Variants in SP110 observed in about 807,000 individuals in gnomAD.
The protein encoded by SP110 is SP110 nuclear body protein, also known as interferon-induced protein 41, 30kD.
A neutral mutation model predicts 92.7 loss-of-function variants in SP110; 62 were observed. The observed-to-expected ratio is 0.67, with a 90% CI of 0.55 to 0.83. The LOEUF (loss-of-function observed/expected upper bound fraction) is 0.83. SP110 is among the 40% of genes least tolerant of loss of function. The probability of loss-of-function intolerance (pLI) is 0.00; values close to 1 mark genes in which losing one functional copy is unlikely to be tolerated. For synonymous variants in SP110, 273 were observed against 305.3 expected (o/e 0.89, Z 1.10); for missense variants, 793 against 863.9 (o/e 0.92, Z 1.03).
At position 230,168,530 on chromosome 2, in the gene SP110, AAAAAT is replaced by A; in HGVS notation, c.*589_*593del. 1 of 152,506 alleles carries A rather than the reference AAAAAT, an allele frequency of 6.6e-6. No homozygotes were observed. The highest frequency in any genetic ancestry group is 1.9e-4 in the East Asian group (1 of 5,210). The allele number at this position is 152,506 out of a possible 1,614,324, so 9.4% of individuals were successfully genotyped here. ...TGCACCTGCTGCCAACCTTAACATA[AAAAAT>A]AATACTAAATTCCCCTGTGAAGCCT... is the stretch of plus-strand genomic sequence containing the variant. On this transcript the variant is annotated 3_prime_UTR_variant, in exon 19 of 19. Coordinates refer to ENST00000258381, the MANE Select transcript of SP110 (RefSeq NM_080424.4).
chr2:230,179,825 G>A (rs1453472645), intron 12 of SP110, among the ~76,000 whole-genome samples: 5 of 151,940 alleles, frequency 3.3e-5, no homozygotes, highest in African/African-American at 9.7e-5. Context: ...TGGGGGCCAC[G>A]GGTAGCAAGC....
chr2:230,185,908 T>A, intron 11 of SP110, 86 bp downstream of exon 11: 1 of 1,165,492 alleles, frequency 8.6e-7, no homozygotes, highest in Non-Finnish European at 1.3e-6. Context: ...TACTATTGAC[T>A]TTACATATCT....
chr2:230,200,078 A>C (rs1032565988), intron 10 of SP110, among the ~76,000 whole-genome samples: 4 of 152,242 alleles, frequency 2.6e-5, no homozygotes, highest in Non-Finnish European at 5.9e-5. Flanking sequence ...AAAAGTTGAA[A>C]TACTACTAGA....
intron 14 of SP110, among the ~76,000 whole-genome samples, chr2:230,177,120 G>A (rs943354155): frequency 6.6e-6 from 1 of 152,210 alleles, no homozygotes; most frequent in African/African-American, 2.4e-5. Flanking sequence ...GACAGGAATA[G>A]TGTGCTGTGG....
At position 230,168,936 on chromosome 2, in the gene SP110, TAGATATAGAC is replaced by T; in HGVS notation, c.*178_*187del. ...GTATTAATTTTTTTTTTTTTTAGTG[TAGATATAGAC>T]TTTTAAAGGTAAAAAGAAAGAATAA... On this transcript the variant is annotated 3_prime_UTR_variant, in exon 19 of 19. Coordinates refer to ENST00000258381, the MANE Select transcript of SP110 (RefSeq NM_080424.4). The T allele has an allele frequency of 7.2e-6, 4 of 551,864 alleles. No homozygotes were observed. Among genetic ancestry groups the T allele is most frequent in the Non-Finnish European group, 1.3e-5 (4 of 308,086 alleles). The allele number at this position is 551,864 out of a possible 1,614,324, so 34.2% of individuals were successfully genotyped here.
In SP110 at chr2:230,211,631, A is replaced by G; in HGVS notation, c.668-78T>C. 1 of 899,734 alleles carries G rather than the reference A, an allele frequency of 1.1e-6. No homozygotes were observed. The highest frequency in any genetic ancestry group is 1.7e-5 in the Admixed American group (1 of 57,744). The allele number at this position is 899,734 out of a possible 1,614,324, so 55.7% of individuals were successfully genotyped here. A position where few individuals can be genotyped will look rare whatever the true frequency, so the allele number is the denominator to read the frequency against. Reference sequence around the variant, plus strand: ...GAATGAGGAGAAAAGAGAATGCTCTATTCCAACAAGTAAAAATGACGGGGT... The same window carrying G: ...GAATGAGGAGAAAAGAGAATGCTCTGTTCCAACAAGTAAAAATGACGGGGT... On this transcript the variant is annotated intron_variant, in intron 5 of 18. Transcript: ENST00000258381. The surrounding 1 kb of genome is among the most constrained non-coding windows in gnomAD (Gnocchi z 4.2).
chr2:230,182,974 G>A (rs550105847), intron 12 of SP110, among the ~76,000 whole-genome samples: 4 of 152,290 alleles, frequency 2.6e-5, no homozygotes, highest in Non-Finnish European at 4.4e-5. Context: ...CCAGTCTGGG[G>A]ACCCCACCTT....
chr2:230,216,903 C>T lies in SP110; in HGVS notation c.25G>A (p.Glu9Lys). Residue 9 changes from glutamate (E) to lysine (K), a missense_variant, in exon 2 of 19, where the codon GAA (glutamate) becomes AAA (lysine). Physicochemically the swap from Glu to Lys is moderately conservative, Grantham distance 56. Coordinates refer to ENST00000258381, the MANE Select transcript of SP110 (RefSeq NM_080424.4). MFTMTRAM[E>K]EALFQHFMHQ... is the part of the protein sequence containing the mutation. ...ATGAAGTGCTGAAAAAGAGCCTCTT[C>T]CATGGCTCTTGTCATGGTGAACATC... 1 of 1,613,870 alleles carries T rather than the reference C, an allele frequency of 6.2e-7. No individual in the cohort carries two copies. Among genetic ancestry groups the T allele is most frequent in the Non-Finnish European group, 8.5e-7 (1 of 1,179,928 alleles).
At chr2:230,216,092 GCCTGCCTGTCTCA>G (rs1415240901) in intron 2 of SP110, among the ~76,000 whole-genome samples, 3 of 152,160 alleles carry the variant, frequency 2.0e-5, no homozygotes, top group African/African-American at 7.2e-5. Flanking sequence ...ATCTCCCAGT[GCCTGCCTGTCTCA>G]CATCAGAATG....
intron 14 of SP110, 176 bp downstream of exon 14, chr2:230,177,362 A>G (rs2041912123): frequency 5.5e-6 from 4 of 730,636 alleles, no homozygotes; most frequent in South Asian, 4.8e-5. Context: ...CTCCACCATC[A>G]GGAACAATAT....
chr2:230,203,008 A>C, intron 8 of SP110: 1 of 457,612 alleles, frequency 2.2e-6, no homozygotes, highest in South Asian at 2.2e-5. Context: ...TTATTTCCTG[A>C]TTTTCGTTTG....
In SP110 at chr2:230,215,270, G is replaced by A. The variant is rs371002285; in HGVS notation, c.148-152C>T. 9.7e-4 allele frequency: 642 copies of A among 664,858 alleles called. 9 individuals are homozygous for A. In the South Asian group the frequency reaches 0.011, roughly 11 times the overall value. The allele number at this position is 664,858 out of a possible 1,614,324, so 41.2% of individuals were successfully genotyped here. A position where few individuals can be genotyped will look rare whatever the true frequency, so the allele number is the denominator to read the frequency against. On this transcript the variant is annotated intron_variant, in intron 2 of 18. Coordinates refer to ENST00000258381, the MANE Select transcript of SP110 (RefSeq NM_080424.4). ...ATAGTCACATTCTCTAAGGTAGAGCGGTCACAGTTTTACATGCTTATTTTT... is the reference window on the plus strand; with the variant it reads ...ATAGTCACATTCTCTAAGGTAGAGCAGTCACAGTTTTACATGCTTATTTTT...
In SP110 at chr2:230,172,200, A is replaced by T. The variant is rs2078462593; in HGVS notation, c.1707-26T>A. On this transcript the variant is annotated intron_variant, in intron 15 of 18. Transcript: ENST00000258381. ...CTGAGAGGTTGGACACAAGGTGAGC[A>T]GAGGGCAAAGCCCCTGGAAATGGCC... 3.6e-6 allele frequency: 5 copies of T among 1,397,090 alleles called. No individual in the cohort carries two copies. The African/African-American group carries it at 5.6e-5, about 16-fold the overall frequency. 86.5% of individuals were successfully genotyped at this position (1,397,090 alleles called of 1,614,324 possible).
At chr2:230,223,908 A>C (rs2046023615), upstream of SP110, among the ~76,000 whole-genome samples, 1 of 152,210 alleles carries the variant, frequency 6.6e-6, no homozygotes, top group African/African-American at 2.4e-5. Flanking sequence ...ATGGGGGAAC[A>C]GAGCCAGGAG....
At chr2:230,202,816 C>A in intron 8 of SP110, 88 bp from the exon 9 acceptor site, 1 of 1,198,488 alleles carries the variant, frequency 8.3e-7, no homozygotes, top group Non-Finnish European at 1.2e-6. Context: ...CCTTCTCATG[C>A]CCCTAACTCC....
intron 8 of SP110, 54 bp downstream of exon 8, chr2:230,207,937 A>T (rs1291711181): frequency 2.0e-5 from 17 of 853,650 alleles, no homozygotes; most frequent in Non-Finnish European, 3.0e-5. Context: ...TTGACCTACA[A>T]GCCCTGCATG....
chr2:230,210,791 T>C (rs1186495807), intron 6 of SP110, among the ~76,000 whole-genome samples: 1 of 152,182 alleles, frequency 6.6e-6, no homozygotes, highest in African/African-American at 2.4e-5. Flanking sequence ...TAGGAATAGG[T>C]GACTGAGGCA....
At position 230,166,625 on chromosome 2, in the gene SP110, C is replaced by A. The variant is rs1441970938; in HGVS notation, c.*2499G>T. Among the ~76,000 whole-genome samples the A allele has an allele frequency of 6.6e-6, 1 of 152,126 alleles. No individual in the cohort carries two copies. The highest frequency in any genetic ancestry group is 6.5e-5 in the Admixed American group (1 of 15,270). On this transcript the variant is annotated 3_prime_UTR_variant, in exon 19 of 19. Transcript: ENST00000258381. ...ATAAACTCCACAGAAATTTAGAAAT[C>A]AACTTAGTTTGTTTTTCATAGTGAT...
intron 8 of SP110, chr2:230,203,173 T>G (rs2148864318): frequency 5.2e-6 from 1 of 193,938 alleles, no homozygotes; most frequent in Middle Eastern, 2.5e-3. Flanking sequence ...TGCAAGGTAT[T>G]AAAAAAACTG....
Sources: allele counts gnomAD v4.1 joint callset (sites outside exome capture counted in the v4.1 genomes callset), GRCh38; gene constraint gnomAD v4.1.1; non-coding constraint Gnocchi (gnomAD v3.1); transcripts MANE v1.5; gene names NCBI Gene and HGNC (gene_info 2026-07-23, HGNC 2026-07-21).